The following LGSN variants were observed in gnomAD, a reference collection of about 807,000 sequenced individuals.
LGSN encodes lengsin, lens protein with glutamine synthetase domain, also known as lengsin.
A neutral mutation model predicts 19.5 loss-of-function variants in LGSN; 21 were observed. That is an observed-to-expected ratio of 1.07 (90% CI 0.76 to 1.55). The LOEUF (loss-of-function observed/expected upper bound fraction) is 1.55, where lower values mean the gene tolerates loss of function less well. LGSN is among the 40% of genes most tolerant of loss of function. The pLI, the probability that LGSN is intolerant of heterozygous loss-of-function variation, is 0.00. For synonymous variants in LGSN, 257 were observed against 215.6 expected, an observed-to-expected ratio of 1.19 and a Z score of -1.68; for missense variants, 673 against 608.5, an observed-to-expected ratio of 1.11 and a Z score of -1.12.
At chr6:63,503,572 G>T in the LGSN span, among the ~76,000 whole-genome samples, 1 of 152,184 alleles carries the variant, frequency 6.6e-6, no homozygotes, top group Non-Finnish European at 1.5e-5. Context: ...TCAGACTTGG[G>T]CTAAGAAAGT....
chr6:63,568,776 A>G, the LGSN span, among the ~76,000 whole-genome samples: 3 of 152,310 alleles, frequency 2.0e-5, no homozygotes, highest in South Asian at 6.2e-4. Flanking sequence ...CTGTTCTAAA[A>G]CAGCAAGAGG....
At chr6:63,364,359 A>G in the LGSN span, among the ~76,000 whole-genome samples, 1 of 152,244 alleles carries the variant, frequency 6.6e-6, no homozygotes, top group East Asian at 1.9e-4. Flanking sequence ...ATAATGGTAA[A>G]GGAATCAATT....
At chr6:63,449,304 T>C in the LGSN span, among the ~76,000 whole-genome samples, 1 of 152,088 alleles carries the variant, frequency 6.6e-6, no homozygotes, top group Admixed American at 6.5e-5. Flanking sequence ...TCCTGCACTT[T>C]GGGAGGCCGA....
the LGSN span, among the ~76,000 whole-genome samples, chr6:63,565,444 CT>C: frequency 6.6e-6 from 1 of 151,680 alleles, no homozygotes; most frequent in African/African-American, 2.4e-5. Flanking sequence ...TTAAAATAGA[CT>C]TTAAAAAAAA....
At chr6:63,321,866 T>C (rs138013280), upstream of LGSN, among the ~76,000 whole-genome samples, 447 of 152,332 alleles carry the variant, frequency 2.9e-3, 3 homozygotes, top group African/African-American at 0.01. Flanking sequence ...ATGAATATAG[T>C]CATTGAGCCA....
the LGSN span, among the ~76,000 whole-genome samples, chr6:63,440,214 G>C: frequency 6.6e-6 from 1 of 152,142 alleles, no homozygotes; most frequent in African/African-American, 2.4e-5. Context: ...TGCTGGTCCC[G>C]GATGAAGGCT....
the LGSN span, among the ~76,000 whole-genome samples, chr6:63,333,565 GGAGA>G: frequency 3.6e-5 from 5 of 137,738 alleles, no homozygotes; most frequent in East Asian, 4.5e-4. Context: ...AAGGAAGGAA[GGAGA>G]GAGAGAGAGG....
the LGSN span, among the ~76,000 whole-genome samples, chr6:63,471,645 G>A: frequency 1.4e-5 from 2 of 146,430 alleles, no homozygotes; most frequent in South Asian, 2.2e-4. Context: ...CAGCCTGGGT[G>A]ACAAGAATAA....
At chr6:63,559,702 G>A in the LGSN span, among the ~76,000 whole-genome samples, 14 of 151,844 alleles carry the variant, frequency 9.2e-5, no homozygotes, top group East Asian at 1.8e-3. Context: ...CCAAGATCGC[G>A]CCACTGCACT....
chr6:63,443,201 A>G, the LGSN span, among the ~76,000 whole-genome samples: 1 of 152,134 alleles, frequency 6.6e-6, no homozygotes, highest in Non-Finnish European at 1.5e-5. Context: ...TAAGCCCCTC[A>G]TTGCCCAGCG....
chr6:63,501,362 CA>C, the LGSN span, among the ~76,000 whole-genome samples: 141 of 133,862 alleles, frequency 1.1e-3, no homozygotes, highest in Middle Eastern at 4.0e-3. Context: ...AACTTCGTCT[CA>C]AAAAAAAAAA....
rs143785548 is a variant in LGSN, at chr6:63,288,270, T to TA, written c.164-2518dup. 9.5e-3 allele frequency among the ~76,000 whole-genome samples: 786 copies of TA among 82,654 alleles called. 2 individuals carry two copies. Among genetic ancestry groups the TA allele is most frequent in the Middle Eastern group, 0.017 (2 of 116 alleles). 54.2% of individuals were successfully genotyped at this position (82,654 alleles called of 152,430 possible). A position where few individuals can be genotyped will look rare whatever the true frequency, so the allele number is the denominator to read the frequency against. ...ATAAATAAATAAATAAATAAATAAATAATAATAATATTCATTCACTCATCA... is the reference window on the plus strand; with the variant it reads ...ATAAATAAATAAATAAATAAATAAATAAATAATAATATTCATTCACTCATCA... On this transcript the variant is annotated intron_variant, in intron 2 of 3. Coordinates refer to ENST00000370657, the MANE Select transcript of LGSN (RefSeq NM_016571.3).
chr6:63,352,724 T>C, the LGSN span, among the ~76,000 whole-genome samples: 2 of 152,046 alleles, frequency 1.3e-5, no homozygotes, highest in South Asian at 4.2e-4. Context: ...GTTTTATTTG[T>C]GGGTTATGTT....
the LGSN span, among the ~76,000 whole-genome samples, chr6:63,356,510 C>T: frequency 4.0e-5 from 6 of 151,736 alleles, 1 homozygote; most frequent in South Asian, 1.2e-3. Flanking sequence ...CCACTGCACT[C>T]CACCCTGGGC....
At chr6:63,505,400 A>C in the LGSN span, among the ~76,000 whole-genome samples, 1 of 151,496 alleles carries the variant, frequency 6.6e-6, no homozygotes, top group Non-Finnish European at 1.5e-5. Context: ...CAACATAGTG[A>C]AACCCCGTCT....
At chr6:63,525,359 G>A in the LGSN span, among the ~76,000 whole-genome samples, 8 of 152,278 alleles carry the variant, frequency 5.3e-5, no homozygotes, top group East Asian at 7.7e-4. Flanking sequence ...TGCCAATGGG[G>A]GAGCTAGAGA....
chr6:63,291,775 T>C (rs761270552), intron 2 of LGSN, among the ~76,000 whole-genome samples: 2 of 152,228 alleles, frequency 1.3e-5, no homozygotes, highest in Non-Finnish European at 2.9e-5. Context: ...GTAGGCAGAA[T>C]AACCCCTCGA....
the LGSN span, among the ~76,000 whole-genome samples, chr6:63,339,369 A>G: frequency 6.6e-6 from 1 of 152,216 alleles, no homozygotes; most frequent in African/African-American, 2.4e-5. Context: ...TTGAGCGCAC[A>G]TATATTTACA....
the LGSN span, among the ~76,000 whole-genome samples, chr6:63,389,544 G>C: frequency 6.6e-6 from 1 of 152,166 alleles, no homozygotes; most frequent in Non-Finnish European, 1.5e-5. Flanking sequence ...AAATTTGAAG[G>C]AACTGTGTTT....
Sources: gnomAD v4.1 joint callset for allele counts (sites outside exome capture counted in the v4.1 genomes callset) on GRCh38, gnomAD v4.1.1 for gene constraint, MANE v1.5 for transcripts, NCBI Gene and HGNC (gene_info 2026-07-23, HGNC 2026-07-21) for gene names.